Variants in SYCP1 observed in about 807,000 individuals in gnomAD.
The protein encoded by SYCP1 is cancer/testis antigen 8.
SYCP1 carries 64 observed loss-of-function variants against 153.1 expected under a neutral mutation model. That is an observed-to-expected ratio of 0.42 (90% CI 0.34 to 0.51). The LOEUF is 0.51. Ranked by LOEUF, SYCP1 falls within the 20% of genes least tolerant of loss-of-function variation. SYCP1 has a pLI of 0.06. For missense variants in SYCP1, 997 were observed against 1,049.0 expected, an observed-to-expected ratio of 0.95 and a Z score of 0.68; for synonymous variants, 384 against 341.8, an observed-to-expected ratio of 1.12 and a Z score of -1.36.
intron 27 of SYCP1, among the ~76,000 whole-genome samples, chr1:114,953,239 G>T (rs116563056): frequency 0.016 from 2,387 of 152,262 alleles, 67 homozygotes; most frequent in African/African-American, 0.054. Context: ...CAGATATGTG[G>T]TTTGCCAGTG....
At chr1:114,913,850 C>G in intron 19 of SYCP1, 125 bp from the exon 20 acceptor site, 1 of 603,262 alleles carries the variant, frequency 1.7e-6, no homozygotes, top group East Asian at 3.4e-5. Flanking sequence ...AGTTGAAAAG[C>G]CCATTTTTTT....
chr1:114,895,834 G>A (rs1260026298), intron 16 of SYCP1, among the ~76,000 whole-genome samples: 2 of 151,970 alleles, frequency 1.3e-5, no homozygotes, highest in Admixed American at 1.3e-4. Context: ...TTTTGAAAAA[G>A]GTGTATGATA....
chr1:114,905,967 T>C (rs1174420086), intron 16 of SYCP1, among the ~76,000 whole-genome samples: 1 of 152,154 alleles, frequency 6.6e-6, no homozygotes, highest in Admixed American at 6.5e-5. Flanking sequence ...TTTCTCTTTT[T>C]TGTCTCTTTT....
intron 18 of SYCP1, 85 bp from the exon 19 acceptor site, chr1:114,912,948 C>A: frequency 1.1e-6 from 1 of 889,416 alleles, no homozygotes; most frequent in Admixed American, 2.5e-5. Flanking sequence ...TCATCCCTTT[C>A]CCCTATCATT....
intron 30 of SYCP1, 113 bp from the exon 31 acceptor site, chr1:114,994,585 T>G (rs1254115629): frequency 1.4e-6 from 1 of 717,308 alleles, no homozygotes; most frequent in African/African-American, 1.9e-5. Flanking sequence ...CCCTTCTACA[T>G]CCTTCCTCTT....
intron 20 of SYCP1, among the ~76,000 whole-genome samples, chr1:114,918,132 T>A (rs1257381381): frequency 6.6e-6 from 1 of 152,106 alleles, no homozygotes; most frequent in Non-Finnish European, 1.5e-5. Context: ...TGGATTTAAG[T>A]CCTTGATCCA....
At chr1:114,966,808 C>T (rs1570882696) in intron 27 of SYCP1, among the ~76,000 whole-genome samples, 2 of 152,092 alleles carry the variant, frequency 1.3e-5, no homozygotes, top group East Asian at 1.9e-4. Context: ...TCTCAGCCTC[C>T]CAAGTAGCCG....
At chr1:114,890,576 A>C (rs1217358909) in intron 15 of SYCP1, among the ~76,000 whole-genome samples, 1 of 152,136 alleles carries the variant, frequency 6.6e-6, no homozygotes, top group Non-Finnish European at 1.5e-5. Flanking sequence ...GAAAAGGTAG[A>C]TTTAAATTTA....
At chr1:114,938,835 C>A (rs555639820) in intron 23 of SYCP1, among the ~76,000 whole-genome samples, 78 of 152,130 alleles carry the variant, frequency 5.1e-4, no homozygotes, top group African/African-American at 1.6e-3. Flanking sequence ...TATCAGTAAT[C>A]ATTGCAAATC....
chr1:114,916,103 G>A (rs1312570030), intron 20 of SYCP1, among the ~76,000 whole-genome samples: 1 of 152,042 alleles, frequency 6.6e-6, no homozygotes, highest in South Asian at 2.1e-4. Flanking sequence ...AATGTATTTG[G>A]TCATTGCTTA....
intron 16 of SYCP1, among the ~76,000 whole-genome samples, chr1:114,901,707 A>G (rs1667457364): frequency 6.6e-6 from 1 of 152,228 alleles, no homozygotes; most frequent in African/African-American, 2.4e-5. Flanking sequence ...AGCACGCTAG[A>G]TTGGTTGCAG....
intron 15 of SYCP1, among the ~76,000 whole-genome samples, chr1:114,893,939 T>G (rs1006952133): frequency 1.3e-5 from 2 of 151,868 alleles, no homozygotes; most frequent in Non-Finnish European, 2.9e-5. Context: ...TTGTTCCACA[T>G]AGCCTTCATT....
intron 27 of SYCP1, among the ~76,000 whole-genome samples, chr1:114,958,920 A>C (rs1433990997): frequency 1.5e-5 from 2 of 136,604 alleles, no homozygotes; most frequent in Admixed American, 7.7e-5. Flanking sequence ...ACAGAGTGAG[A>C]CTCCGTCTCA....
At position 114,878,177 on chromosome 1, in the gene SYCP1, A is replaced by G. The variant is rs1665670897; in HGVS notation, c.885A>G (p.Lys295=). The G allele has an allele frequency of 1.9e-6, 3 of 1,568,102 alleles. No individual in the cohort carries two copies. Among genetic ancestry groups the G allele is most frequent in the African/African-American group, 2.7e-5 (2 of 73,370 alleles). The change falls in exon 12 of 32, where the codon AAA becomes AAG. Residue 295 remains lysine (K), a synonymous_variant. Transcript: ENST00000369522. Reference sequence around the variant, plus strand: ...TTCTGCTAGAGGAATCCAGAGATAAAGTTAATCAATTAGAGGAAAAGACAA... The same window carrying G: ...TTCTGCTAGAGGAATCCAGAGATAAGGTTAATCAATTAGAGGAAAAGACAA... ...LTFLLEESRD[K]VNQLEEKTKL...
chr1:114,954,547 T>TTTATTTATTTATTTATTTA, intron 27 of SYCP1, among the ~76,000 whole-genome samples: 1 of 148,396 alleles, frequency 6.7e-6, no homozygotes, highest in Non-Finnish European at 1.5e-5. Flanking sequence ...TCAGTATGCT[T>TTTATTTATTTATTTATTTA]TTTATTTATT....
In SYCP1 at chr1:114,957,816, C is replaced by A. The variant is rs190313458; in HGVS notation, c.2322+10496C>A. 1.4e-4 allele frequency among the ~76,000 whole-genome samples: 22 copies of A among 152,216 alleles called. 1 individual carries two copies. In the East Asian group the frequency reaches 4.3e-3, roughly 29 times the overall value. On this transcript the variant is annotated intron_variant, in intron 27 of 31. Coordinates refer to ENST00000369522, the MANE Select transcript of SYCP1 (RefSeq NM_003176.4). ...TGATGAGGATGTGGAACAAAGGGAA[C>A]CCTTGTTTACTGTTGCTGGGAGTGT...
intron 1 of SYCP1, 145 bp from the exon 2 acceptor site, chr1:114,855,296 A>G (rs61522509): frequency 0.033 from 13,906 of 419,784 alleles, 356 homozygotes; most frequent in Non-Finnish European, 0.039. Flanking sequence ...GCGACGTTGT[A>G]GGGCTCCACT....
chr1:114,951,280 A>G (rs1671090013), intron 27 of SYCP1, among the ~76,000 whole-genome samples: 2 of 152,286 alleles, frequency 1.3e-5, no homozygotes, highest in Admixed American at 1.3e-4. Flanking sequence ...AAACAAAAAC[A>G]TAAACAAAAA....
chr1:114,947,854 C>CT (rs1185419809), intron 27 of SYCP1, among the ~76,000 whole-genome samples: 3 of 141,996 alleles, frequency 2.1e-5, no homozygotes, highest in Non-Finnish European at 4.6e-5. Flanking sequence ...AAAAGGAACC[C>CT]TTTTTTTTCT....
Sources: allele counts gnomAD v4.1 joint callset (sites outside exome capture counted in the v4.1 genomes callset), GRCh38; gene constraint gnomAD v4.1.1; transcripts MANE v1.5; gene names NCBI Gene and HGNC (gene_info 2026-07-23, HGNC 2026-07-21).